The following ATXN1 variants were observed in gnomAD, a reference collection of about 807,000 sequenced individuals.
ATXN1 encodes ataxin 1.
In ATXN1, 8 loss-of-function variants were observed where a neutral mutation model predicts 56.4. The observed-to-expected ratio is 0.14, with a 90% CI of 0.08 to 0.26. The LOEUF is 0.26. ATXN1 is among the 10% of genes least tolerant of loss of function. The pLI, the probability that ATXN1 is intolerant of heterozygous loss-of-function variation, is 1.00. For missense variants in ATXN1, 987 were observed against 1,106.5 expected (o/e 0.89, Z 1.53); for synonymous variants, 514 against 494.6 (o/e 1.04, Z -0.52).
chr6:16,591,063 A>C (rs1354676134), intron 3 of ATXN1, among the ~76,000 whole-genome samples: 1 of 152,072 alleles, frequency 6.6e-6, no homozygotes, highest in East Asian at 1.9e-4. Context: ...GATGGTCTCG[A>C]CCAGCATGTG....
chr6:16,611,422 C>G (rs1469527252), intron 3 of ATXN1, among the ~76,000 whole-genome samples: 1 of 151,980 alleles, frequency 6.6e-6, no homozygotes, highest in East Asian at 1.9e-4. Context: ...AATCATAAAA[C>G]CAAAAGAATA....
chr6:16,581,749 T>C (rs1379131809), intron 4 of ATXN1, among the ~76,000 whole-genome samples: 1 of 152,156 alleles, frequency 6.6e-6, no homozygotes, highest in Non-Finnish European at 1.5e-5. Flanking sequence ...AGGTGAATTA[T>C]AGTGGGTAAA....
rs577389367 is a variant in ATXN1 at position 16,299,995 on chromosome 6, C to T, written c.*6334G>A. The T allele has an allele frequency of 6.5e-6, 1 of 152,772 alleles. No homozygotes were observed. The highest frequency in any genetic ancestry group is 2.4e-5 in the African/African-American group (1 of 41,572). 9.5% of individuals were successfully genotyped at this position (152,772 alleles called of 1,614,324 possible). A position where few individuals can be genotyped will look rare whatever the true frequency, so the allele number is the denominator to read the frequency against. ...TGCACCGAGCTTCTTGGTAACTGCTCTGAAGACAACAGCTTGAGCTAGTGT... is the reference window on the plus strand; with the variant it reads ...TGCACCGAGCTTCTTGGTAACTGCTTTGAAGACAACAGCTTGAGCTAGTGT... On this transcript the variant is annotated 3_prime_UTR_variant, in exon 8 of 8. Transcript: ENST00000436367.
intron 5 of ATXN1, among the ~76,000 whole-genome samples, chr6:16,486,831 C>T (rs1221214049): frequency 2.0e-5 from 3 of 152,068 alleles, no homozygotes; most frequent in African/African-American, 4.8e-5. Flanking sequence ...TGCAGCGTTT[C>T]GTGCACTGAA....
chr6:16,731,241 A>G (rs1759968779), intron 2 of ATXN1, among the ~76,000 whole-genome samples: 1 of 151,996 alleles, frequency 6.6e-6, no homozygotes, highest in Non-Finnish European at 1.5e-5. Context: ...GCTACACTAA[A>G]CTGCACTAGA....
intron 6 of ATXN1, among the ~76,000 whole-genome samples, chr6:16,431,554 C>T (rs1377638620): frequency 6.6e-6 from 1 of 152,054 alleles, no homozygotes; most frequent in Admixed American, 6.6e-5. Context: ...AAGTAAAACT[C>T]GAGTATAATT....
chr6:16,471,517 T>C (rs992295329), intron 6 of ATXN1, among the ~76,000 whole-genome samples: 1 of 152,124 alleles, frequency 6.6e-6, no homozygotes, highest in African/African-American at 2.4e-5. Context: ...AATATTAAGA[T>C]AAGTGACAAT....
intron 4 of ATXN1, among the ~76,000 whole-genome samples, chr6:16,533,086 T>C (rs1162003245): frequency 6.6e-6 from 1 of 152,246 alleles, no homozygotes; most frequent in Non-Finnish European, 1.5e-5. Flanking sequence ...AACATGGATA[T>C]GCAGTTTTGC....
chr6:16,666,528 T>C (rs1009694110), intron 2 of ATXN1: 1 of 154,558 alleles, frequency 6.5e-6, no homozygotes, highest in African/African-American at 2.4e-5. Context: ...TTCTTTTTTT[T>C]TGGAGTCTAG....
At chr6:16,349,985 C>T (rs2113458262) in intron 6 of ATXN1, among the ~76,000 whole-genome samples, 1 of 152,268 alleles carries the variant, frequency 6.6e-6, no homozygotes, top group South Asian at 2.1e-4. Flanking sequence ...TTTTAGAATA[C>T]CATGCCCTAA....
At chr6:16,382,731 G>A (rs1279772629) in intron 6 of ATXN1, among the ~76,000 whole-genome samples, 1 of 152,036 alleles carries the variant, frequency 6.6e-6, no homozygotes, top group Non-Finnish European at 1.5e-5. Flanking sequence ...TAGAGCAGGG[G>A]TGTCCAATCT....
intron 6 of ATXN1, among the ~76,000 whole-genome samples, chr6:16,380,216 A>T (rs1212856402): frequency 6.6e-6 from 1 of 152,208 alleles, no homozygotes; most frequent in Non-Finnish European, 1.5e-5. Context: ...GGGGCTGAAT[A>T]CATGCATCTT....
intron 3 of ATXN1, among the ~76,000 whole-genome samples, chr6:16,626,917 A>G (rs866080354): frequency 6.6e-6 from 1 of 152,214 alleles, no homozygotes; most frequent in Admixed American, 6.5e-5. Context: ...AGAAGGAACC[A>G]ACTTTCCTGA....
chr6:16,473,945 C>A (rs1004987132), intron 6 of ATXN1, among the ~76,000 whole-genome samples: 2 of 152,188 alleles, frequency 1.3e-5, no homozygotes, highest in Admixed American at 1.3e-4. Flanking sequence ...TACCACCTAA[C>A]CATGTCTCTA....
intron 6 of ATXN1, among the ~76,000 whole-genome samples, chr6:16,422,652 G>C (rs1046315356): frequency 7.2e-5 from 11 of 152,150 alleles, no homozygotes; most frequent in African/African-American, 2.4e-4. Context: ...AAATCAACCT[G>C]AGAACTGGAA....
At position 16,306,611 on chromosome 6, in the gene ATXN1, C is replaced by T; in HGVS notation, c.2166G>A (p.Arg722=). 1 of 1,614,262 alleles carries T rather than the reference C, an allele frequency of 6.2e-7. No homozygotes were observed. Among genetic ancestry groups the T allele is most frequent in the Non-Finnish European group, 8.5e-7 (1 of 1,180,056 alleles). The change falls in exon 8 of 8, where the codon AGG becomes AGA. Residue 722 remains arginine, a synonymous_variant. Coordinates refer to ENST00000436367, the MANE Select transcript of ATXN1 (RefSeq NM_001128164.2). The surrounding 1 kb of genome is among the most constrained non-coding windows in gnomAD (Gnocchi z 5.2). ...TGATTCCGTTTTCCTGCTCGGCATA[C>T]CTGTGTCTGCTGCCCGCCAGGCCGT... ...KADGLAGSRH[R]YAEQENGINQ... is the part of the protein sequence containing the mutation.
At chr6:16,745,685 G>A (rs1017533060) in intron 2 of ATXN1, among the ~76,000 whole-genome samples, 4 of 152,110 alleles carry the variant, frequency 2.6e-5, no homozygotes, top group Non-Finnish European at 4.4e-5. Flanking sequence ...AGCTACCTGC[G>A]GAAAACGTCA....
intron 6 of ATXN1, among the ~76,000 whole-genome samples, chr6:16,350,821 A>G (rs1007004826): frequency 1.3e-5 from 2 of 152,044 alleles, no homozygotes; most frequent in Admixed American, 1.3e-4. Flanking sequence ...GGTGGCTCAC[A>G]CCTGTAATCC....
chr6:16,679,378 GGATGGATGGA>G (rs1758765516), intron 2 of ATXN1, among the ~76,000 whole-genome samples: 5 of 30,056 alleles, frequency 1.7e-4, no homozygotes, highest in Non-Finnish European at 3.2e-4. Flanking sequence ...GTGGGTGGAT[GGATGGATGGA>G]TGGATGGATG....
Sources: gnomAD v4.1 joint callset for allele counts (sites outside exome capture counted in the v4.1 genomes callset) on GRCh38, gnomAD v4.1.1 for gene constraint, Gnocchi (gnomAD v3.1) non-coding constraint, MANE v1.5 for transcripts, NCBI Gene and HGNC (gene_info 2026-07-23, HGNC 2026-07-21) for gene names.